PADI2: variants seen among roughly 807,000 people sequenced by gnomAD.
PADI2 encodes the protein protein-arginine deiminase type-2.
PADI2 carries 70 observed loss-of-function variants against 81.1 expected under a neutral mutation model. The ratio of observed to expected loss-of-function variants is 0.86; its 90% CI spans 0.71 to 1.05. The LOEUF (loss-of-function observed/expected upper bound fraction) is 1.05. Among genes scored for constraint, PADI2 ranks in the 50% least tolerant of loss-of-function variants. The pLI is 0.00. For missense variants in PADI2, 853 were observed against 889.9 expected (o/e 0.96, Z 0.53); for synonymous variants, 338 against 358.0 (o/e 0.94, Z 0.63).
In PADI2 at chr1:17,098,776, C is replaced by T. The variant is rs1931035932; in HGVS notation, c.350-2806G>A. Among the ~76,000 whole-genome samples the T allele has an allele frequency of 1.3e-5, 2 of 152,228 alleles. 1 individual carries two copies. Among genetic ancestry groups the T allele is most frequent in the African/African-American group, 4.8e-5 (2 of 41,468 alleles). On this transcript the variant is annotated intron_variant, in intron 3 of 15. Coordinates refer to ENST00000375486, the MANE Select transcript of PADI2 (RefSeq NM_007365.3). ...CCCCTTCACCCTCAGAGACCGCCCA[C>T]CCTGTAGTCATGCCCATGGGACTTC...
rs1364194256 is a variant in PADI2 at position 17,110,189 on chromosome 1, C to T, written c.93-5128G>A. Among the ~76,000 whole-genome samples, 5 of 152,238 alleles carry T rather than the reference C, an allele frequency of 3.3e-5. No homozygotes were observed. The South Asian group carries it at 1.0e-3, about 32-fold the overall frequency. The stretch of plus-strand genomic sequence containing the variant: ...CTCGCAGAAACCCGAGAGCCAGGGG[C>T]TTCAGGCACCTGGATTGTCCCTGGA... On this transcript the variant is annotated intron_variant, in intron 1 of 15. Transcript: ENST00000375486.
chr1:17,107,295 T>C (rs1274099274), intron 1 of PADI2, among the ~76,000 whole-genome samples: 2 of 152,134 alleles, frequency 1.3e-5, no homozygotes, highest in Non-Finnish European at 2.9e-5. Context: ...ATAGGGTGTT[T>C]TTCTTTGAAG....
Position 17,066,979 on chromosome 1 carries a change from C to T in PADI2, c.*2065G>A, listed in dbSNP as rs1362127721. ...AACAGAGAAGCGTATTCTAGGCCTA[C>T]ATTTATAGAAAGTGGGGGTGGGGAA... On this transcript the variant is annotated 3_prime_UTR_variant, in exon 16 of 16. Transcript: ENST00000375486. 1 of 151,894 alleles carries T rather than the reference C, an allele frequency of 6.6e-6. No individual in the cohort carries two copies. Among genetic ancestry groups the T allele is most frequent in the Non-Finnish European group, 1.5e-5 (1 of 68,008 alleles). 9.4% of individuals were successfully genotyped at this position (151,894 alleles called of 1,614,324 possible). A position where few individuals can be genotyped will look rare whatever the true frequency, so the allele number is the denominator to read the frequency against.
At chr1:17,087,652 C>G (rs114509123) in intron 6 of PADI2, among the ~76,000 whole-genome samples, 2,310 of 152,238 alleles carry the variant, frequency 0.015, 55 homozygotes, top group African/African-American at 0.053. Context: ...AGGCGCCCAC[C>G]ACCACATATG....
intron 3 of PADI2, 39 bp from the exon 4 acceptor site, chr1:17,096,009 A>T: frequency 1.3e-6 from 2 of 1,530,408 alleles, no homozygotes; most frequent in South Asian, 1.2e-5. Flanking sequence ...TGAGCCTGCC[A>T]GGCAGGGCAG....
At chr1:17,071,329 A>G in intron 14 of PADI2, 77 bp downstream of exon 14, 1 of 1,085,800 alleles carries the variant, frequency 9.2e-7, no homozygotes, top group South Asian at 1.3e-5. Flanking sequence ...TTCTCTACGG[A>G]AGCCCCAAGG....
chr1:17,075,020 G>T, intron 12 of PADI2, 71 bp from the exon 13 acceptor site: 1 of 943,092 alleles, frequency 1.1e-6, no homozygotes, highest in Non-Finnish European at 1.7e-6. Context: ...GAGGCCCTGC[G>T]CTGAGGACCC....
rs1485789250 is a variant in PADI2, at chr1:17,115,695, C to A, written c.92+3585G>T. ...CTTCAAGCCCAAATCAGATGGGGACCCAGGCCAGCCCCACTGAAGAAGTGA... is the reference window on the plus strand; with the variant it reads ...CTTCAAGCCCAAATCAGATGGGGACACAGGCCAGCCCCACTGAAGAAGTGA... On this transcript the variant is annotated intron_variant, in intron 1 of 15. Coordinates refer to ENST00000375486, the MANE Select transcript of PADI2 (RefSeq NM_007365.3). This position sits in a 1 kb window ranked among gnomAD's most constrained non-coding sequence, Gnocchi z 4.1. 6.6e-6 allele frequency among the ~76,000 whole-genome samples: 1 copy of A among 152,184 alleles called. No homozygotes were observed. The highest frequency in any genetic ancestry group is 1.9e-4 in the East Asian group (1 of 5,198).
intron 10 of PADI2, among the ~76,000 whole-genome samples, chr1:17,081,237 A>C (rs1212717528): frequency 6.6e-6 from 1 of 152,184 alleles, no homozygotes; most frequent in Non-Finnish European, 1.5e-5. Flanking sequence ...GGGAATGATA[A>C]CCATAACAAC....
intron 13 of PADI2, among the ~76,000 whole-genome samples, chr1:17,073,796 C>T (rs538026385): frequency 1.3e-5 from 2 of 152,292 alleles, no homozygotes; most frequent in African/African-American, 4.8e-5. Context: ...GAGGAATTGG[C>T]ATGGTGTCTC....
At chr1:17,102,353 G>GCAC (rs1265727476) in intron 3 of PADI2, among the ~76,000 whole-genome samples, 11 of 152,208 alleles carry the variant, frequency 7.2e-5, no homozygotes, top group Non-Finnish European at 1.6e-4. Context: ...TGGCATGCAG[G>GCAC]CCTGGCACCC....
intron 1 of PADI2, among the ~76,000 whole-genome samples, chr1:17,108,642 G>C (rs1281816397): frequency 6.6e-6 from 1 of 152,048 alleles, no homozygotes; most frequent in Non-Finnish European, 1.5e-5. Flanking sequence ...CCCAAGGAGA[G>C]GTGTGAGTAC....
At chr1:17,109,113 G>A (rs1039109883) in intron 1 of PADI2, among the ~76,000 whole-genome samples, 4 of 152,188 alleles carry the variant, frequency 2.6e-5, no homozygotes, top group Non-Finnish European at 4.4e-5. Context: ...GGCTGGGTGC[G>A]GTGGCTCACA....
At chr1:17,102,031 G>T (rs2101602763) in intron 3 of PADI2, among the ~76,000 whole-genome samples, 1 of 152,250 alleles carries the variant, frequency 6.6e-6, no homozygotes, top group South Asian at 2.1e-4. Flanking sequence ...AAAGTGCCCA[G>T]TGCAGCTCTA....
intron 1 of PADI2, among the ~76,000 whole-genome samples, chr1:17,108,517 T>C (rs1435386121): frequency 6.6e-6 from 1 of 152,034 alleles, no homozygotes; most frequent in Non-Finnish European, 1.5e-5. Flanking sequence ...ATAAGTCCCC[T>C]GAGGGCATGG....
At chr1:17,071,812 A>C (rs3818048) in intron 13 of PADI2, among the ~76,000 whole-genome samples, 1 of 151,990 alleles carries the variant, frequency 6.6e-6, no homozygotes, top group Non-Finnish European at 1.5e-5. Context: ...CCTACAGCCT[A>C]CTCCTAAGGA....
chr1:17,100,216 G>A (rs1219118506), intron 3 of PADI2, among the ~76,000 whole-genome samples: 4 of 151,704 alleles, frequency 2.6e-5, no homozygotes, highest in African/African-American at 9.8e-5. Flanking sequence ...GTTGGAACAG[G>A]AAACAGAAGT....
At position 17,105,281 on chromosome 1, in the gene PADI2, T is replaced by C. The variant is rs1346374500; in HGVS notation, c.93-220A>G. On this transcript the variant is annotated intron_variant, in intron 1 of 15. Transcript: ENST00000375486. ...GGTGCACACCTGTGGTCCCAACTAC[T>C]TAGGAGACTGAGGTGGGAGAATTGC... Among the ~76,000 whole-genome samples the C allele has an allele frequency of 1.3e-5, 2 of 152,078 alleles. No individual in the cohort carries two copies. The highest frequency in any genetic ancestry group is 4.8e-5 in the African/African-American group (2 of 41,434).
intron 3 of PADI2, among the ~76,000 whole-genome samples, chr1:17,101,338 C>T (rs1931134347): frequency 6.6e-6 from 1 of 152,130 alleles, no homozygotes; most frequent in African/African-American, 2.4e-5. Flanking sequence ...GTGCAGTCAG[C>T]CTTCTGGGAT....
Sources: allele counts gnomAD v4.1 joint callset (sites outside exome capture counted in the v4.1 genomes callset), GRCh38; gene constraint gnomAD v4.1.1; non-coding constraint Gnocchi (gnomAD v3.1); transcripts MANE v1.5; gene names NCBI Gene and HGNC (gene_info 2026-07-23, HGNC 2026-07-21).